MAP4K4: variants seen among roughly 807,000 people sequenced by gnomAD.
MAP4K4 encodes the protein HPK/GCK-like kinase HGK.
Under a neutral mutation model 189.6 loss-of-function variants are expected in MAP4K4, and 38 were observed. The ratio of observed to expected loss-of-function variants is 0.20; its 90% CI spans 0.15 to 0.26. MAP4K4 has a LOEUF of 0.26. Among genes scored for constraint, MAP4K4 ranks in the 10% least tolerant of loss-of-function variants. The pLI, the probability that MAP4K4 is intolerant of heterozygous loss-of-function variation, is 1.00. For missense variants in MAP4K4, 1,054 were observed against 1,726.9 expected (o/e 0.61, Z 6.91); for synonymous variants, 610 against 624.3 (o/e 0.98, Z 0.34).
chr2:101,780,840 A>AT (rs2086956709), intron 2 of MAP4K4, among the ~76,000 whole-genome samples: 2 of 152,228 alleles, frequency 1.3e-5, no homozygotes, highest in Non-Finnish European at 2.9e-5. Flanking sequence ...CGTGGTTTGT[A>AT]TTACCATATT....
At chr2:101,697,716 A>AGT (rs1553476885) in exon 1 of MAP4K4, 1 of 145,496 alleles carries the variant, frequency 6.9e-6, no homozygotes, top group Admixed American at 6.8e-5. Context: ...CACTCGCTCA[A>AGT]CTCGGCGCCG....
At chr2:101,849,856 C>T (rs2097225285) in intron 12 of MAP4K4, among the ~76,000 whole-genome samples, 1 of 151,340 alleles carries the variant, frequency 6.6e-6, no homozygotes, top group Non-Finnish European at 1.5e-5. Context: ...ATAGCAATAC[C>T]CCATCTCTAT....
In MAP4K4 at chr2:101,875,643, G is replaced by T. The variant is rs147691303; in HGVS notation, c.3242-1360G>T. On this transcript the variant is annotated intron_variant, in intron 26 of 32. Transcript: ENST00000324219. ...CCTCTACACAAATACTTTATTCCTT[G>T]TCTTGGTGAGTTTATGACTGAGGAA... Among the ~76,000 whole-genome samples the T allele has an allele frequency of 1.3e-3, 200 of 152,256 alleles. 1 individual carries two copies. Among genetic ancestry groups the T allele is most frequent in the African/African-American group, 4.7e-3 (196 of 41,518 alleles).
At chr2:101,733,053 T>G (rs4527225) in intron 2 of MAP4K4, among the ~76,000 whole-genome samples, 42,915 of 152,220 alleles carry the variant, frequency 0.28, 6,821 homozygotes, top group South Asian at 0.49. Context: ...GCTTTTCAGG[T>G]GGCTTCCAGG....
At chr2:101,891,553 T>C (rs1224770739) in exon 33 of MAP4K4, 1 of 213,458 alleles carries the variant, frequency 4.7e-6, no homozygotes, top group African/African-American at 2.3e-5. Flanking sequence ...CAAACACCTT[T>C]CCTCCAGCTC....
chr2:101,700,303 T>C (rs1485792973), intron 2 of MAP4K4, among the ~76,000 whole-genome samples: 1 of 152,248 alleles, frequency 6.6e-6, no homozygotes, highest in Non-Finnish European at 1.5e-5. Flanking sequence ...ATTGCCATTT[T>C]GGTTCCATTC....
At chr2:101,747,983 C>CT (rs1330981769) in intron 2 of MAP4K4, among the ~76,000 whole-genome samples, 1 of 152,138 alleles carries the variant, frequency 6.6e-6, no homozygotes, top group Non-Finnish European at 1.5e-5. Flanking sequence ...GGGTCGAGCT[C>CT]TTTTTTTCTG....
At chr2:101,835,014 A>G (rs1468181966) in intron 8 of MAP4K4, among the ~76,000 whole-genome samples, 3 of 152,238 alleles carry the variant, frequency 2.0e-5, no homozygotes, top group Admixed American at 1.3e-4. Context: ...GCTGGTCCCC[A>G]TTAAAAAAGG....
At chr2:101,844,303 C>T (rs1286288134) in exon 12 of MAP4K4, 1 of 1,557,344 alleles carries the variant, frequency 6.4e-7, no homozygotes, top group Admixed American at 1.9e-5. Flanking sequence ...GAGGCGACGG[C>T]TAGAAGAGGT....
chr2:101,794,611 A>G (rs943933299), intron 3 of MAP4K4, among the ~76,000 whole-genome samples: 3 of 152,212 alleles, frequency 2.0e-5, no homozygotes, highest in African/African-American at 4.8e-5. Context: ...ATATTTGAGC[A>G]TGCTTGTCTT....
chr2:101,706,153 T>C (rs1489258205), intron 2 of MAP4K4, among the ~76,000 whole-genome samples: 1 of 152,202 alleles, frequency 6.6e-6, no homozygotes, highest in African/African-American at 2.4e-5. Context: ...CAGAAGCATG[T>C]TTTCAGTGCT....
intron 7 of MAP4K4, 129 bp from the exon 8 acceptor site, chr2:101,834,279 GC>G (rs2096678618): frequency 2.1e-6 from 1 of 483,794 alleles, no homozygotes; most frequent in Non-Finnish European, 4.1e-6. Flanking sequence ...CTACAAATGT[GC>G]TTGTACTTTT....
chr2:101,798,210 G>A (rs753623963), intron 3 of MAP4K4, among the ~76,000 whole-genome samples: 27 of 151,568 alleles, frequency 1.8e-4, no homozygotes, highest in African/African-American at 4.1e-4. Context: ...CACAGCACCC[G>A]CCCTTCTAAT....
chr2:101,825,526 T>C, intron 5 of MAP4K4, 97 bp downstream of exon 5: 4 of 638,546 alleles, frequency 6.3e-6, no homozygotes, highest in Non-Finnish European at 1.1e-5. Flanking sequence ...TACTTATATC[T>C]ATATAGATTA....
chr2:101,872,429 TG>T (rs1421514063), intron 24 of MAP4K4, among the ~76,000 whole-genome samples: 1 of 152,232 alleles, frequency 6.6e-6, no homozygotes, highest in Non-Finnish European at 1.5e-5. Context: ...TAGCTCAGTC[TG>T]GGTGATTCTT....
At chr2:101,867,883 T>C (rs577905704) in intron 20 of MAP4K4, 146 bp from the exon 21 acceptor site, 2 of 752,716 alleles carry the variant, frequency 2.7e-6, no homozygotes, top group South Asian at 3.2e-5. Context: ...CTTTGTGGAA[T>C]TTTAAGCCTG....
intron 2 of MAP4K4, among the ~76,000 whole-genome samples, chr2:101,733,302 A>G (rs965829493): frequency 8.5e-5 from 13 of 152,258 alleles, no homozygotes; most frequent in Non-Finnish European, 7.4e-5. Flanking sequence ...TGTGTGATGA[A>G]AGGGAAAGGA....
chr2:101,832,866 C>T (rs960000186), intron 7 of MAP4K4, among the ~76,000 whole-genome samples: 2 of 145,606 alleles, frequency 1.4e-5, no homozygotes, highest in Non-Finnish European at 3.0e-5. Context: ...TAATGTTCTA[C>T]CCTCTAGATT....
chr2:101,843,055 A>G (rs552214693), intron 11 of MAP4K4, among the ~76,000 whole-genome samples: 19 of 152,294 alleles, frequency 1.2e-4, no homozygotes, highest in Admixed American at 2.6e-4. Context: ...TGTCCCGCCC[A>G]TGGACCAGCA....
Sources: allele counts gnomAD v4.1 joint callset (sites outside exome capture counted in the v4.1 genomes callset), GRCh38; gene constraint gnomAD v4.1.1; transcripts MANE v1.5; gene names NCBI Gene and HGNC (gene_info 2026-07-23, HGNC 2026-07-21).